GRID2: variants seen among roughly 807,000 people sequenced by gnomAD.
GRID2 encodes the protein glutamate receptor ionotropic, delta-2.
In GRID2, 33 loss-of-function variants were observed where a neutral mutation model predicts 114.8. That is an observed-to-expected ratio of 0.29 (90% CI 0.22 to 0.38). The LOEUF (loss-of-function observed/expected upper bound fraction) is 0.38, where lower values mean the gene tolerates loss of function less well. GRID2 is among the 10% of genes least tolerant of loss of function. The pLI is 1.00. For synonymous variants in GRID2, 505 were observed against 449.9 expected (o/e 1.12, Z -1.55); for missense variants, 1,184 against 1,257.7 (o/e 0.94, Z 0.89).
chr4:93,153,734 G>T (rs143462922), intron 4 of GRID2, among the ~76,000 whole-genome samples: 13 of 152,142 alleles, frequency 8.5e-5, no homozygotes, highest in African/African-American at 2.9e-4. Context: ...GAGAATTCCG[G>T]TTCTCCTTAA....
At chr4:92,633,627 A>T (rs1442810719) in intron 2 of GRID2, among the ~76,000 whole-genome samples, 1 of 152,064 alleles carries the variant, frequency 6.6e-6, no homozygotes, top group Non-Finnish European at 1.5e-5. Flanking sequence ...AGGATTTCTG[A>T]TTATCTCAGG....
rs186893299 is a variant in GRID2 at position 93,209,028 on chromosome 4, G to A, written c.789+1571G>A. Among the ~76,000 whole-genome samples the A allele has an allele frequency of 2.2e-3, 328 of 152,082 alleles. 1 individual carries two copies. The highest frequency in any genetic ancestry group is 3.4e-3 in the Middle Eastern group (1 of 294). On this transcript the variant is annotated intron_variant, in intron 5 of 15. Coordinates refer to ENST00000282020, the MANE Select transcript of GRID2 (RefSeq NM_001510.4). ...TTCAGCAAATATTACACAACTATTA[G>A]TGATGATAATGGAATTTAAAACTTA... is the stretch of plus-strand genomic sequence containing the variant.
intron 10 of GRID2, among the ~76,000 whole-genome samples, chr4:93,429,209 A>G (rs745723442): frequency 4.6e-5 from 7 of 152,190 alleles, no homozygotes; most frequent in African/African-American, 7.2e-5. Flanking sequence ...AATTATGGAG[A>G]AGCCAGATGG....
intron 2 of GRID2, among the ~76,000 whole-genome samples, chr4:92,804,150 C>G (rs1466863240): frequency 1.3e-5 from 2 of 152,018 alleles, no homozygotes; most frequent in Non-Finnish European, 1.5e-5. Flanking sequence ...AAGGCCCACC[C>G]TAACGACTTT....
chr4:93,402,768 A>T (rs1766021438), intron 9 of GRID2, among the ~76,000 whole-genome samples: 2 of 152,236 alleles, frequency 1.3e-5, no homozygotes, highest in South Asian at 4.1e-4. Flanking sequence ...TTATATATCA[A>T]TTATATTATC....
At chr4:92,405,564 T>C (rs932531310) in intron 1 of GRID2, among the ~76,000 whole-genome samples, 2 of 152,266 alleles carry the variant, frequency 1.3e-5, no homozygotes, top group South Asian at 2.1e-4. Flanking sequence ...AAAATCTTTT[T>C]ATATTTGTTT....
chr4:92,575,275 A>G (rs1727828012), intron 1 of GRID2, among the ~76,000 whole-genome samples: 1 of 152,190 alleles, frequency 6.6e-6, no homozygotes, highest in Admixed American at 6.6e-5. Context: ...TTAGCTCAGC[A>G]AAGTTTGTTT....
In GRID2 at chr4:93,238,486, G is replaced by A. The variant is rs568845338; in HGVS notation, c.1241G>A (p.Arg414Gln). ...NYGEELGRGV[R>Q]KLGCWNPVTG... is the part of the protein sequence containing the mutation. ...GGAGAAGAGCTTGGCAGAGGTGTTC[G>A]AAAAGTAAGACAAGACACACTGATT... Residue 414 changes from arginine (R) to glutamine (Q), a missense_variant, in exon 8 of 16, where the codon CGA (arginine) becomes CAA (glutamine). This residue lies in a region of GRID2 where 717 missense variants were observed against 796.9 expected (regional missense o/e 0.90). Coordinates refer to ENST00000282020, the MANE Select transcript of GRID2 (RefSeq NM_001510.4). 3.7e-5 allele frequency: 60 copies of A among 1,608,940 alleles called. No homozygotes were observed. In the East Asian group the frequency reaches 4.9e-4, roughly 13 times the overall value.
rs116338561 is a variant in GRID2, at chr4:92,888,858, G to C, written c.245-196137G>C. Among the ~76,000 whole-genome samples the C allele has an allele frequency of 2.6e-3, 396 of 150,310 alleles. 4 individuals carry two copies. Among genetic ancestry groups the C allele is most frequent in the African/African-American group, 9.4e-3 (384 of 40,862 alleles). The stretch of plus-strand genomic sequence containing the variant: ...TAAAGCGGACATTTTTTACCTATTA[G>C]ATCACTTGGAAAGAAAAAAAAACTA... On this transcript the variant is annotated intron_variant, in intron 2 of 15. Transcript: ENST00000282020.
intron 2 of GRID2, among the ~76,000 whole-genome samples, chr4:93,046,320 T>C (rs1726131562): frequency 2.6e-5 from 4 of 152,080 alleles, no homozygotes; most frequent in Admixed American, 2.6e-4. Flanking sequence ...ATCTAGCTTT[T>C]GGAATAAAAA....
In GRID2 at chr4:92,997,184, T is replaced by C. The variant is rs894604430; in HGVS notation, c.245-87811T>C. The stretch of plus-strand genomic sequence containing the variant: ...ATGTGGCAACATTTAGGCTTAACAC[T>C]ACCACAACAAAATCATTATGTGTCA... On this transcript the variant is annotated intron_variant, in intron 2 of 15. Coordinates refer to ENST00000282020, the MANE Select transcript of GRID2 (RefSeq NM_001510.4). Among the ~76,000 whole-genome samples, 3 of 152,182 alleles carry C rather than the reference T, an allele frequency of 2.0e-5. No homozygotes were observed. In the East Asian group the frequency reaches 5.8e-4, roughly 29 times the overall value.
At chr4:93,394,485 AC>A (rs949609088) in intron 8 of GRID2, among the ~76,000 whole-genome samples, 1 of 151,858 alleles carries the variant, frequency 6.6e-6, no homozygotes, top group Admixed American at 6.6e-5. Context: ...AATAGGAAGC[AC>A]CTAAATTGTT....
intron 8 of GRID2, among the ~76,000 whole-genome samples, chr4:93,307,848 T>C (rs771007334): frequency 6.8e-6 from 1 of 146,002 alleles, no homozygotes; most frequent in African/African-American, 2.6e-5. Context: ...TGTTTGACTT[T>C]ACTACCACTT....
chr4:93,732,388 A>T (rs1161310629), intron 14 of GRID2, among the ~76,000 whole-genome samples: 1 of 152,234 alleles, frequency 6.6e-6, no homozygotes, highest in Non-Finnish European at 1.5e-5. Context: ...CATAGAATGC[A>T]TGCACAATCA....
At chr4:93,741,526 G>T (rs866490623) in intron 14 of GRID2, among the ~76,000 whole-genome samples, 14 of 152,188 alleles carry the variant, frequency 9.2e-5, no homozygotes, top group South Asian at 4.1e-4. Flanking sequence ...AACTTAGGCA[G>T]TTGTTAAATA....
intron 14 of GRID2, among the ~76,000 whole-genome samples, chr4:93,686,833 G>A (rs1357093378): frequency 6.6e-6 from 1 of 151,788 alleles, no homozygotes; most frequent in Non-Finnish European, 1.5e-5. Flanking sequence ...AGAGGTAGAG[G>A]ATGAGGTAAG....
chr4:92,943,231 T>C (rs575533536), intron 2 of GRID2, among the ~76,000 whole-genome samples: 2 of 152,352 alleles, frequency 1.3e-5, no homozygotes, highest in Admixed American at 1.3e-4. Context: ...TTTGGTCTTT[T>C]CACATAGGCC....
intron 1 of GRID2, among the ~76,000 whole-genome samples, chr4:92,459,215 A>C (rs185246149): frequency 6.6e-6 from 1 of 152,320 alleles, no homozygotes; most frequent in East Asian, 1.9e-4. Context: ...TGCAAGTATA[A>C]AAATGGAAAC....
At chr4:92,312,950 A>AGAGGAAAAG (rs1295893847) in intron 1 of GRID2, among the ~76,000 whole-genome samples, 1 of 152,070 alleles carries the variant, frequency 6.6e-6, no homozygotes, top group Non-Finnish European at 1.5e-5. Flanking sequence ...ATATCTACCC[A>AGAGGAAAAG]GAGGAAAAGA....
Sources: allele counts gnomAD v4.1 joint callset (sites outside exome capture counted in the v4.1 genomes callset), GRCh38; gene constraint gnomAD v4.1.1; regional missense constraint gnomAD v4.1.1; transcripts MANE v1.5; gene names NCBI Gene and HGNC (gene_info 2026-07-23, HGNC 2026-07-21).